The following PCDHA1 variants were observed in gnomAD, a reference collection of about 807,000 sequenced individuals.
The protein encoded by PCDHA1 is protocadherin alpha-1.
A neutral mutation model predicts 61.3 loss-of-function variants in PCDHA1; 42 were observed. The observed-to-expected ratio is 0.69, with a 90% CI of 0.54 to 0.89. The LOEUF (loss-of-function observed/expected upper bound fraction) is 0.89, where lower values mean the gene tolerates loss of function less well. PCDHA1 is among the 40% of genes least tolerant of loss of function. PCDHA1 has a pLI of 0.00. For missense variants in PCDHA1, 1,256 were observed against 1,235.3 expected (o/e 1.02, Z -0.25); for synonymous variants, 610 against 553.8 (o/e 1.10, Z -1.43).
intron 1 of PCDHA1, chr5:140,867,813 C>A (rs1189080463): frequency 6.6e-6 from 1 of 152,032 alleles, no homozygotes; most frequent in African/African-American, 2.4e-5. Flanking sequence ...TATGAAATTC[C>A]ATTTCCACAA....
In PCDHA1 at chr5:140,797,406, CTA is replaced by C. The variant is rs1762226091; in HGVS notation, c.2394+8726_2394+8727del. On this transcript the variant is annotated intron_variant, in intron 1 of 3. Coordinates refer to ENST00000504120, the MANE Select transcript of PCDHA1 (RefSeq NM_018900.4). ...CTAAAATTGTTCTTTTTAAAAAATT[CTA>C]TATGATTTCTACTAGTTATTTAGAT... 3 of 1,539,164 alleles carry C rather than the reference CTA, an allele frequency of 1.9e-6. No homozygotes were observed. In the African/African-American group the frequency reaches 4.1e-5, roughly 21 times the overall value.
chr5:140,801,779 C>T (rs782318440), intron 1 of PCDHA1: 7 of 1,613,560 alleles, frequency 4.3e-6, no homozygotes, highest in Non-Finnish European at 5.9e-6. Context: ...CCCTTGGACT[C>T]GTGTTGAAAA....
chr5:140,926,704 T>C (rs1481559865), intron 1 of PCDHA1: 7 of 842,670 alleles, frequency 8.3e-6, no homozygotes, highest in Non-Finnish European at 1.2e-5. Context: ...GGCTCCCAGC[T>C]GGCCAGCCCC....
intron 1 of PCDHA1, among the ~76,000 whole-genome samples, chr5:140,964,342 C>T (rs2095825714): frequency 6.6e-6 from 1 of 152,184 alleles, no homozygotes; most frequent in Non-Finnish European, 1.5e-5. Context: ...TGGCAGGTGT[C>T]CTTGCTGGAA....
chr5:140,938,406 T>A (rs1283027205), intron 1 of PCDHA1, among the ~76,000 whole-genome samples: 1 of 152,240 alleles, frequency 6.6e-6, no homozygotes, highest in African/African-American at 2.4e-5. Context: ...ATTGTTTGAT[T>A]GGGTTTATTT....
At chr5:140,800,890 T>C (rs1762610015) in intron 1 of PCDHA1, 3 of 358,494 alleles carry the variant, frequency 8.4e-6, no homozygotes, top group African/African-American at 2.1e-5. Context: ...ATAAGGACTT[T>C]GAGGAGTGAC....
chr5:141,001,286 A>G (rs1375093882), intron 3 of PCDHA1, among the ~76,000 whole-genome samples: 1 of 152,160 alleles, frequency 6.6e-6, no homozygotes, highest in Non-Finnish European at 1.5e-5. Context: ...TACGGATGAA[A>G]ACTGAGGCCC....
chr5:140,843,756 G>T, intron 1 of PCDHA1: 5 of 1,503,398 alleles, frequency 3.3e-6, no homozygotes, highest in Admixed American at 1.9e-5. Flanking sequence ...TTCTATTTGT[G>T]GAAATTGTAG....
chr5:140,795,492 GT>G (rs1229361346), intron 1 of PCDHA1: 5 of 1,614,034 alleles, frequency 3.1e-6, no homozygotes, highest in Non-Finnish European at 4.2e-6. Flanking sequence ...GCTCCAGTGA[GT>G]TTTTCTTCCT....
chr5:140,856,813 G>T (rs150906180), intron 1 of PCDHA1: 1 of 1,594,284 alleles, frequency 6.3e-7, no homozygotes, highest in East Asian at 2.2e-5. Context: ...AAAATCAAGT[G>T]AACCAAACAT....
At chr5:140,862,894 TTGTC>T (rs782757160) in intron 1 of PCDHA1, 2 of 559,636 alleles carry the variant, frequency 3.6e-6, no homozygotes, top group East Asian at 4.8e-5. Flanking sequence ...AACGACAACT[TTGTC>T]TGCGCTGCTG....
intron 3 of PCDHA1, among the ~76,000 whole-genome samples, chr5:140,986,365 C>T (rs530102099): frequency 2.0e-5 from 3 of 152,194 alleles, no homozygotes; most frequent in Non-Finnish European, 2.9e-5. Flanking sequence ...TGGAGGAATG[C>T]GTTTTGGGGG....
intron 1 of PCDHA1, chr5:140,877,744 G>A (rs200651425): frequency 6.2e-7 from 1 of 1,614,080 alleles, no homozygotes; most frequent in African/African-American, 1.3e-5. Flanking sequence ...GAGGCAGAGG[G>A]TGTGCTCTGC....
intron 1 of PCDHA1, chr5:140,809,411 T>A: frequency 6.2e-7 from 1 of 1,614,110 alleles, no homozygotes; most frequent in South Asian, 1.1e-5. Flanking sequence ...GCTGGTGTGC[T>A]CCAGTGCGGT....
intron 1 of PCDHA1, among the ~76,000 whole-genome samples, chr5:140,945,351 A>C (rs1368185977): frequency 6.6e-6 from 1 of 152,138 alleles, no homozygotes; most frequent in Admixed American, 6.5e-5. Flanking sequence ...GGAAAAATTA[A>C]TACTGTTTAA....
chr5:140,939,701 T>C (rs782486336), intron 1 of PCDHA1, among the ~76,000 whole-genome samples: 2 of 152,210 alleles, frequency 1.3e-5, no homozygotes, highest in Non-Finnish European at 2.9e-5. Context: ...GACATTATCA[T>C]TTGTGAGATA....
rs73793533 is a variant in PCDHA1 at position 140,949,932 on chromosome 5, T to A, written c.2395-29017T>A. On this transcript the variant is annotated intron_variant, in intron 1 of 3. Transcript: ENST00000504120. Reference sequence around the variant, plus strand: ...GATATAACTATTTTTAGATTTTTTTTAATTTGCATTTTTTAGTGGTTGCTG... The same window carrying A: ...GATATAACTATTTTTAGATTTTTTTAAATTTGCATTTTTTAGTGGTTGCTG... Among the ~76,000 whole-genome samples, 1,356 of 151,758 alleles carry A rather than the reference T, an allele frequency of 8.9e-3. 15 individuals carry two copies. The highest frequency in any genetic ancestry group is 0.032 in the African/African-American group (1,309 of 41,514).
intron 1 of PCDHA1, among the ~76,000 whole-genome samples, chr5:140,910,005 G>T (rs1554194067): frequency 1.3e-5 from 2 of 152,212 alleles, no homozygotes; most frequent in African/African-American, 4.8e-5. Flanking sequence ...ATTGTTGTCA[G>T]TGTCATCCTT....
rs1761414919 is a variant in PCDHA1, at chr5:140,787,937, G to A, written c.1647G>A (p.Val549=). 6.2e-7 allele frequency: 1 copy of A among 1,613,738 alleles called. No homozygotes were observed. Among genetic ancestry groups the A allele is most frequent in the Non-Finnish European group, 8.5e-7 (1 of 1,179,912 alleles). ...GCGTGCCGCCTCTGGGCAGCAACGTGACGCTGCAGGTGTTCGTGCTGGACG... is the reference window on the plus strand; with the variant it reads ...GCGTGCCGCCTCTGGGCAGCAACGTAACGCTGCAGGTGTTCGTGCTGGACG... ...DAGVPPLGSN[V]TLQVFVLDEN... Residue 549 remains valine (V), a synonymous_variant, in exon 1 of 4, where the codon GTG becomes GTA. Coordinates refer to ENST00000504120, the MANE Select transcript of PCDHA1 (RefSeq NM_018900.4).
Sources: allele counts gnomAD v4.1 joint callset (sites outside exome capture counted in the v4.1 genomes callset), GRCh38; gene constraint gnomAD v4.1.1; transcripts MANE v1.5; gene names NCBI Gene and HGNC (gene_info 2026-07-23, HGNC 2026-07-21).